Variants in CDC14A observed in about 807,000 individuals in gnomAD.
The protein encoded by CDC14A is cell division cycle 14A, also known as dual specificity protein phosphatase CDC14A.
CDC14A carries 53 observed loss-of-function variants against 74.4 expected under a neutral mutation model. That is an observed-to-expected ratio of 0.71 (90% CI 0.57 to 0.89). The LOEUF (loss-of-function observed/expected upper bound fraction) is 0.89, where lower values mean the gene tolerates loss of function less well. Among genes scored for constraint, CDC14A ranks in the 40% least tolerant of loss-of-function variants. CDC14A has a pLI of 0.00. For synonymous variants in CDC14A, 247 were observed against 258.4 expected (o/e 0.96, Z 0.43); for missense variants, 646 against 713.7 (o/e 0.91, Z 1.08).
chr1:100,496,548 C>T (rs1483875057), intron 13 of CDC14A, among the ~76,000 whole-genome samples: 2 of 152,130 alleles, frequency 1.3e-5, no homozygotes, highest in Admixed American at 6.5e-5. Flanking sequence ...AGTGGTACCA[C>T]GATCTGGTGT....
At chr1:100,506,654 C>T (rs529223256) in intron 15 of CDC14A, among the ~76,000 whole-genome samples, 1 of 152,202 alleles carries the variant, frequency 6.6e-6, no homozygotes, top group South Asian at 2.1e-4. Context: ...GACTTGAAAA[C>T]ATAAAACTTG....
chr1:100,459,777 T>G (rs1000639116), intron 8 of CDC14A, among the ~76,000 whole-genome samples: 7 of 152,142 alleles, frequency 4.6e-5, no homozygotes, highest in Admixed American at 4.6e-4. Flanking sequence ...ATTATACACA[T>G]TGCTAAAACC....
At position 100,446,733 on chromosome 1, in the gene CDC14A, T is replaced by G. The variant is rs148430097; in HGVS notation, c.519+3737T>G. Among the ~76,000 whole-genome samples the G allele has an allele frequency of 1.3e-3, 202 of 152,348 alleles. 1 individual carries two copies. Among genetic ancestry groups the G allele is most frequent in the African/African-American group, 4.8e-3 (198 of 41,574 alleles). ...GTTTTTTTGAGAGAGGGTCTCGCTC[T>G]GTCACCCAGGCTGGAGTGCAGTGGT... On this transcript the variant is annotated intron_variant, in intron 7 of 15. Transcript: ENST00000336454.
chr1:100,497,862 T>G lies in CDC14A; in HGVS notation c.1299-223T>G, dbSNP rs904296. On this transcript the variant is annotated intron_variant, in intron 13 of 15. Transcript: ENST00000336454. ...TAAGGACAGCAATATTAGCTACTTC[T>G]TAGGGTTGTTGTAAGGACAAGCTGA... 0.93 allele frequency among the ~76,000 whole-genome samples: 142,282 copies of G among 152,238 alleles called. 67,044 individuals carry two copies. The highest frequency in any genetic ancestry group is 1 in the Non-Finnish European group (67,759 of 68,034).
chr1:100,465,146 C>G (rs1255961922), intron 9 of CDC14A, among the ~76,000 whole-genome samples: 2 of 151,990 alleles, frequency 1.3e-5, no homozygotes, highest in African/African-American at 2.4e-5. Flanking sequence ...TGGTCTTGAA[C>G]TCCTAACCTC....
chr1:100,500,342 T>C (rs1414122651), intron 15 of CDC14A, among the ~76,000 whole-genome samples: 1 of 152,066 alleles, frequency 6.6e-6, no homozygotes, highest in African/African-American at 2.4e-5. Flanking sequence ...CCTGCTTCTG[T>C]AGAGAAGAGG....
intron 8 of CDC14A, among the ~76,000 whole-genome samples, chr1:100,456,579 AG>A (rs1666717155): frequency 6.6e-6 from 1 of 152,006 alleles, no homozygotes; most frequent in Non-Finnish European, 1.5e-5. Flanking sequence ...CTGAGGTGGG[AG>A]GATTGCTTAA....
intron 4 of CDC14A, among the ~76,000 whole-genome samples, chr1:100,412,724 T>C (rs1468231889): frequency 1.3e-5 from 1 of 75,362 alleles, no homozygotes; most frequent in Non-Finnish European, 2.2e-5. Context: ...ATATATATAT[T>C]TTATATATAT....
chr1:100,420,057 C>CACATAT (rs1553180504), intron 4 of CDC14A, among the ~76,000 whole-genome samples: 1 of 30,576 alleles, frequency 3.3e-5, no homozygotes, highest in Non-Finnish European at 5.9e-5. Flanking sequence ...CACACACACA[C>CACATAT]ACACACATAT....
chr1:100,488,082 T>C (rs1557817347), intron 11 of CDC14A, among the ~76,000 whole-genome samples: 1 of 152,172 alleles, frequency 6.6e-6, no homozygotes, highest in Non-Finnish European at 1.5e-5. Flanking sequence ...AAATACAAAA[T>C]AGTACTAGCA....
chr1:100,396,255 G>A (rs768298440), intron 4 of CDC14A, among the ~76,000 whole-genome samples: 10 of 152,230 alleles, frequency 6.6e-5, no homozygotes, highest in Non-Finnish European at 1.0e-4. Flanking sequence ...GGGGGTGGGC[G>A]TGGGTCCCAA....
chr1:100,420,055 C>CCATATATATATAT (rs1553180489), intron 4 of CDC14A, among the ~76,000 whole-genome samples: 10 of 21,050 alleles, frequency 4.8e-4, no homozygotes, highest in African/African-American at 1.7e-3. Context: ...CACACACACA[C>CCATATATATATAT]ACACACACAT....
intron 11 of CDC14A, among the ~76,000 whole-genome samples, chr1:100,494,215 A>G (rs1216350857): frequency 4.6e-5 from 7 of 152,160 alleles, no homozygotes; most frequent in African/African-American, 1.7e-4. Context: ...GGGCTATTGA[A>G]GAGACTAGCA....
chr1:100,462,863 A>G lies in CDC14A; in HGVS notation c.820A>G (p.Ile274Val). The G allele has an allele frequency of 1.9e-6, 3 of 1,613,738 alleles. No homozygotes were observed. Among genetic ancestry groups the G allele is most frequent in the South Asian group, 2.2e-5 (2 of 91,036 alleles). Residue 274 changes from isoleucine (I) to valine (V), a missense_variant, in exon 9 of 16, where the codon ATC becomes GTC. Ile to Val is a conservative substitution (Grantham distance 29, BLOSUM62 3). Transcript: ENST00000336454. ...LNICENTEGAIAVHCKAGLGR... is the reference protein window; with the variant it reads ...LNICENTEGAVAVHCKAGLGR... ...CATCTGTGAGAACACCGAAGGGGCC[A>G]TCGCCGTTCACTGCAAAGGTGTGTG...
chr1:100,419,172 C>A (rs1353729858), intron 4 of CDC14A, among the ~76,000 whole-genome samples: 9 of 152,088 alleles, frequency 5.9e-5, no homozygotes, highest in Admixed American at 3.3e-4. Flanking sequence ...TGTGACAGAG[C>A]CAGAACCTGT....
chr1:100,411,671 C>T (rs950482491), intron 4 of CDC14A, among the ~76,000 whole-genome samples: 1 of 152,196 alleles, frequency 6.6e-6, no homozygotes, highest in Admixed American at 6.5e-5. Context: ...ATTTTCCTCT[C>T]TCCTTTTGTG....
chr1:100,388,473 A>G (rs1239850082), intron 3 of CDC14A, among the ~76,000 whole-genome samples: 3 of 152,202 alleles, frequency 2.0e-5, no homozygotes, highest in African/African-American at 4.8e-5. Context: ...CATCAACTCA[A>G]CTGAGCTGAA....
chr1:100,396,851 C>T (rs186686099), intron 4 of CDC14A, among the ~76,000 whole-genome samples: 12 of 152,196 alleles, frequency 7.9e-5, no homozygotes, highest in Admixed American at 5.9e-4. Context: ...TCAAGTATTT[C>T]ACAGCTTTTG....
chr1:100,396,153 G>A (rs1176108228), intron 4 of CDC14A, among the ~76,000 whole-genome samples: 1 of 152,234 alleles, frequency 6.6e-6, no homozygotes, highest in Admixed American at 6.5e-5. Flanking sequence ...TTAACAAGGG[G>A]TTAGGCCGGG....
Sources: allele counts gnomAD v4.1 joint callset (sites outside exome capture counted in the v4.1 genomes callset), GRCh38; gene constraint gnomAD v4.1.1; transcripts MANE v1.5; gene names NCBI Gene and HGNC (gene_info 2026-07-23, HGNC 2026-07-21).